Variants in MYO1E observed in about 807,000 individuals in gnomAD.
MYO1E encodes the protein myosin IE, also known as unconventional myosin-Ie.
In MYO1E, 68 loss-of-function variants were observed where a neutral mutation model predicts 151.1. That is an observed-to-expected ratio of 0.45 (90% CI 0.37 to 0.55). The LOEUF (loss-of-function observed/expected upper bound fraction) is 0.55. MYO1E is among the 20% of genes least tolerant of loss of function. The probability of loss-of-function intolerance (pLI) is 0.00; values close to 1 mark genes in which losing one functional copy is unlikely to be tolerated. For missense variants in MYO1E, 1,363 were observed against 1,389.3 expected, an observed-to-expected ratio of 0.98 and a Z score of 0.30; for synonymous variants, 601 against 501.7, an observed-to-expected ratio of 1.20 and a Z score of -2.64.
At chr15:59,333,436 T>G (rs1450437909) in intron 1 of MYO1E, among the ~76,000 whole-genome samples, 4 of 152,014 alleles carry the variant, frequency 2.6e-5, no homozygotes. Flanking sequence ...AGAGATGGAG[T>G]TTTGCCATGT....
rs142037163 is a variant in MYO1E, at chr15:59,171,483, T to C, written c.2480+414A>G. Among the ~76,000 whole-genome samples the C allele has an allele frequency of 2.8e-3, 429 of 152,228 alleles. 5 individuals are homozygous for C. The highest frequency in any genetic ancestry group is 9.7e-3 in the African/African-American group (405 of 41,546). ...CTCCCTAAGGAAGTCCCAAAGAAAC[T>C]TCCCTTTCAGGACCCTCTGCTCAGG... On this transcript the variant is annotated intron_variant, in intron 22 of 27. Transcript: ENST00000288235.
At position 59,370,433 on chromosome 15, in the gene MYO1E, G is replaced by C. The variant is rs375752811; in HGVS notation, c.3+2065C>G. Among the ~76,000 whole-genome samples the C allele has an allele frequency of 2.0e-5, 3 of 152,228 alleles. No homozygotes were observed. In the East Asian group the frequency reaches 5.8e-4, roughly 29 times the overall value. ...CTCTGGATCCAGTAGATCTATCAAT[G>C]GCACATCTCCTGTTTCAGGACAGCC... On this transcript the variant is annotated intron_variant, in intron 1 of 27. Coordinates refer to ENST00000288235, the MANE Select transcript of MYO1E (RefSeq NM_004998.4).
intron 1 of MYO1E, among the ~76,000 whole-genome samples, chr15:59,336,933 T>C (rs1260264622): frequency 1.3e-5 from 2 of 152,196 alleles, no homozygotes; most frequent in Non-Finnish European, 2.9e-5. Context: ...TCATCCTTTT[T>C]TATGGCTGCA....
At chr15:59,328,229 A>C (rs2080677594) in intron 1 of MYO1E, among the ~76,000 whole-genome samples, 1 of 152,126 alleles carries the variant, frequency 6.6e-6, no homozygotes, top group South Asian at 2.1e-4. Context: ...AGAATGTGAG[A>C]GTGGAGTAGT....
chr15:59,324,363 C>T (rs956176757), intron 1 of MYO1E, among the ~76,000 whole-genome samples: 1 of 152,180 alleles, frequency 6.6e-6, no homozygotes, highest in Non-Finnish European at 1.5e-5. Flanking sequence ...GGGGGCCACC[C>T]CTCGCCTATG....
At chr15:59,357,574 A>G (rs149974985) in intron 1 of MYO1E, among the ~76,000 whole-genome samples, 1,719 of 146,320 alleles carry the variant, frequency 0.012, 29 homozygotes, top group African/African-American at 0.037. Context: ...ACAGGTGCCT[A>G]CCACCACGCC....
At position 59,224,693 on chromosome 15, in the gene MYO1E, G is replaced by C. The variant is rs756623267; in HGVS notation, c.773C>G (p.Thr258Ser). The change falls in exon 8 of 28, where the codon ACT becomes AGT. Residue 258 changes from threonine to serine, a missense_variant. Physicochemically the swap from Thr to Ser is moderately conservative, Grantham distance 58. Transcript: ENST00000288235. ...TGGCCCTGCGCCAGCACTTACCAGA[G>C]TTTCCTGAAACTCCCGCCTGTCGTC... ...DIDDRREFQE[T>S]LHAMNVIGIF... 11 of 1,614,074 alleles carry C rather than the reference G, an allele frequency of 6.8e-6. No homozygotes were observed. The highest frequency in any genetic ancestry group is 7.6e-6 in the Non-Finnish European group (9 of 1,180,038).
At chr15:59,299,514 T>TACA (rs1230841077) in intron 1 of MYO1E, among the ~76,000 whole-genome samples, 3 of 152,236 alleles carry the variant, frequency 2.0e-5, no homozygotes, top group Non-Finnish European at 4.4e-5. Flanking sequence ...TTTAAAAAGA[T>TACA]ACAAAGGTTT....
At chr15:59,236,436 G>A in intron 5 of MYO1E, 149 bp downstream of exon 5, 5 of 553,518 alleles carry the variant, frequency 9.0e-6, no homozygotes, top group South Asian at 8.4e-5. Context: ...ACATACATAT[G>A]CTATTCCTTT....
At chr15:59,178,660 G>A in intron 18 of MYO1E, 123 bp from the exon 19 acceptor site, 2 of 1,286,420 alleles carry the variant, frequency 1.6e-6, no homozygotes, top group Admixed American at 2.4e-5. Flanking sequence ...CTGATCATCT[G>A]TTTACCAGCG....
chr15:59,165,613 C>T (rs996993386), intron 22 of MYO1E, among the ~76,000 whole-genome samples: 2 of 152,210 alleles, frequency 1.3e-5, no homozygotes. Context: ...TCAGGGCCAA[C>T]GTGCCAGTTC....
In MYO1E at chr15:59,178,599, G is replaced by A. The variant is rs559872580; in HGVS notation, c.1905-62C>T. ...GCGGGACCGCACTGGTTTTCTACCCGGGCAAGGCAGCAAGAGCTCTGCTCT... is the reference window on the plus strand; with the variant it reads ...GCGGGACCGCACTGGTTTTCTACCCAGGCAAGGCAGCAAGAGCTCTGCTCT... On this transcript the variant is annotated intron_variant, in intron 18 of 27. Coordinates refer to ENST00000288235, the MANE Select transcript of MYO1E (RefSeq NM_004998.4). 5.3e-4 allele frequency: 839 copies of A among 1,585,108 alleles called. 1 individual carries two copies. Among genetic ancestry groups the A allele is most frequent in the Non-Finnish European group, 6.6e-4 (768 of 1,161,624 alleles).
intron 1 of MYO1E, among the ~76,000 whole-genome samples, chr15:59,301,384 C>T (rs1220196679): frequency 2.0e-5 from 3 of 152,178 alleles, no homozygotes; most frequent in African/African-American, 7.2e-5. Context: ...CTCAGAAATG[C>T]CCTCATTCCC....
chr15:59,310,513 G>A (rs2080544539), intron 1 of MYO1E, among the ~76,000 whole-genome samples: 3 of 152,138 alleles, frequency 2.0e-5, no homozygotes, highest in African/African-American at 7.2e-5. Context: ...GGGCGACACA[G>A]CCACAAGCCA....
At chr15:59,225,692 G>A (rs1406929981) in intron 7 of MYO1E, among the ~76,000 whole-genome samples, 5 of 150,054 alleles carry the variant, frequency 3.3e-5, no homozygotes, top group African/African-American at 1.2e-4. Flanking sequence ...TGTCGCCCAG[G>A]CTGGAGTGCA....
chr15:59,164,529 G>A (rs1335063128), intron 22 of MYO1E, among the ~76,000 whole-genome samples: 1 of 152,234 alleles, frequency 6.6e-6, no homozygotes, highest in Non-Finnish European at 1.5e-5. Flanking sequence ...TGGGATTACT[G>A]TGGCTGTGAC....
At chr15:59,359,186 G>T (rs984210973) in intron 1 of MYO1E, among the ~76,000 whole-genome samples, 10 of 151,572 alleles carry the variant, frequency 6.6e-5, no homozygotes, top group Non-Finnish European at 1.3e-4. Context: ...AGCATTTTGG[G>T]CCACCAAGGC....
At chr15:59,173,939 A>G in intron 20 of MYO1E, 24 bp from the exon 21 acceptor site, 7 of 1,612,752 alleles carry the variant, frequency 4.3e-6, no homozygotes, top group African/African-American at 1.3e-5. Flanking sequence ...GAGGGTCAAG[A>G]TGGAAGAAGG....
intron 1 of MYO1E, among the ~76,000 whole-genome samples, chr15:59,297,305 T>A (rs1392748531): frequency 6.6e-6 from 1 of 151,378 alleles, no homozygotes; most frequent in African/African-American, 2.4e-5. Context: ...AGGGTCTTAC[T>A]CTGTCACCCA....
Sources: gnomAD v4.1 joint callset for allele counts (sites outside exome capture counted in the v4.1 genomes callset) on GRCh38, gnomAD v4.1.1 for gene constraint, MANE v1.5 for transcripts, NCBI Gene and HGNC (gene_info 2026-07-23, HGNC 2026-07-21) for gene names.